The following KIF12 variants were observed in gnomAD, a reference collection of about 807,000 sequenced individuals.
KIF12 encodes the protein kinesin-like protein KIF12.
In KIF12, 80 loss-of-function variants were observed where a neutral mutation model predicts 87.9. The ratio of observed to expected loss-of-function variants is 0.91; its 90% CI spans 0.76 to 1.10. The LOEUF (loss-of-function observed/expected upper bound fraction) is 1.10. Among genes scored for constraint, KIF12 ranks in the 50% least tolerant of loss-of-function variants. The pLI is 0.00. For synonymous variants in KIF12, 353 were observed against 348.5 expected (o/e 1.01, Z -0.14); for missense variants, 819 against 865.3 (o/e 0.95, Z 0.67).
At position 114,098,208 on chromosome 9, in the gene KIF12, G is replaced by A. The variant is rs1242174585; in HGVS notation, c.300-18C>T. The A allele has an allele frequency of 6.5e-7, 1 of 1,539,250 alleles. No homozygotes were observed. The highest frequency in any genetic ancestry group is 1.4e-5 in the African/African-American group (1 of 71,014). On this transcript the variant is annotated intron_variant, in intron 4 of 18. Transcript: ENST00000640217. Reference sequence around the variant, plus strand: ...AGGAGAAACTGCGGGCGGCAAGGGCGTGGCTGGACTCCGGCGGCTACCCGG... The same window carrying A: ...AGGAGAAACTGCGGGCGGCAAGGGCATGGCTGGACTCCGGCGGCTACCCGG...
At chr9:114,097,964 CT>C (rs1676402801) in intron 5 of KIF12, 150 bp downstream of exon 5, 4 of 969,458 alleles carry the variant, frequency 4.1e-6, no homozygotes, top group Non-Finnish European at 6.0e-6. Flanking sequence ...AGTCCCTTCT[CT>C]TTGGTCCTCA....
Position 114,094,208 on chromosome 9 carries a change from T to C in KIF12, c.1286A>G (p.Glu429Gly), listed in dbSNP as rs1195045159. ...AQRNLYGMLQ[E>G]FMLENERLRK... ...GAGCCTCTCATTCTCTAGCATGAACTCCTGTAGCATCCCGTACAGGTTCCG... is the reference window on the plus strand; with the variant it reads ...GAGCCTCTCATTCTCTAGCATGAACCCCTGTAGCATCCCGTACAGGTTCCG... The change falls in exon 13 of 19, where the codon GAG (glutamate) becomes GGG (glycine). Residue 429 changes from glutamate to glycine, a missense_variant. Coordinates refer to ENST00000640217, the MANE Select transcript of KIF12 (RefSeq NM_001388308.1). The C allele has an allele frequency of 1.2e-6, 2 of 1,613,880 alleles. No individual in the cohort carries two copies. Among genetic ancestry groups the C allele is most frequent in the South Asian group, 2.2e-5 (2 of 91,082 alleles).
At chr9:114,094,479 C>T (rs372259818) in intron 11 of KIF12, 24 bp from the exon 12 acceptor site, 6 of 1,457,418 alleles carry the variant, frequency 4.1e-6, no homozygotes, top group Non-Finnish European at 5.7e-6. Context: ...GGCCCAGAGC[C>T]ACCTTTATGG....
intron 5 of KIF12, 66 bp from the exon 6 acceptor site, chr9:114,097,807 ATG>A (rs1847300645): frequency 1.3e-6 from 2 of 1,521,824 alleles, no homozygotes; most frequent in Non-Finnish European, 1.8e-6. Context: ...TAGCGCATGT[ATG>A]ATACCGTGCG....
At chr9:114,098,236 TG>T (rs57239538) in intron 4 of KIF12, 46 bp from the exon 5 acceptor site, 420,374 of 1,526,344 alleles carry the variant, frequency 0.28, 60,582 homozygotes, top group Middle Eastern at 0.43. Context: ...CTACCCGGGG[TG>T]GGGGCTGGGG....
chr9:114,096,312 G>A (rs1416530297), intron 8 of KIF12, 75 bp downstream of exon 8: 4 of 1,595,740 alleles, frequency 2.5e-6, no homozygotes, highest in South Asian at 1.1e-5. Context: ...GCACACCCAA[G>A]TTGGTTTATA....
intron 5 of KIF12, 84 bp downstream of exon 5, chr9:114,098,031 T>G: frequency 1.5e-6 from 2 of 1,338,720 alleles, no homozygotes; most frequent in Non-Finnish European, 2.0e-6. Flanking sequence ...CCCTTCCCTC[T>G]GGGAGTCTGC....
intron 13 of KIF12, 60 bp downstream of exon 13, chr9:114,094,120 GA>G: frequency 6.5e-7 from 1 of 1,547,422 alleles, no homozygotes. Flanking sequence ...CAGTTTGCCA[GA>G]AGCAGCCTAG....
Position 114,093,932 on chromosome 9 carries a change from G to A in KIF12, c.1354C>T (p.Gln452Ter), listed in dbSNP as rs767668002. ...SQLQNSRDLA[Q>*]NEQRILAQQV... ...TGGGCCAGGATGCGCTGCTCATTCT[G>A]GGCCAGGTCTCGGCTATTCTGCAGC... The change falls in exon 14 of 19, where the codon CAG becomes TAG. Residue 452 changes from glutamine to a stop codon, truncating the protein, a stop_gained. Coordinates refer to ENST00000640217, the MANE Select transcript of KIF12 (RefSeq NM_001388308.1). LOFTEE classifies it high-confidence loss of function. 1 of 1,614,126 alleles carries A rather than the reference G, an allele frequency of 6.2e-7. No individual in the cohort carries two copies. The highest frequency in any genetic ancestry group is 1.7e-5 in the Admixed American group (1 of 60,022).
In KIF12 at chr9:114,093,250, T is replaced by C; in HGVS notation, c.1575A>G (p.Pro525=). The change falls in exon 16 of 19, where the codon CCA becomes CCG. Residue 525 remains proline, a synonymous_variant. Coordinates refer to ENST00000640217, the MANE Select transcript of KIF12 (RefSeq NM_001388308.1). ...RVPLAHWACL[P]GEHHLPQVLD... is the part of the protein sequence containing the mutation. ...CTACCTGGGGCAGGTGGTGCTCCCC[T>C]GGCAGGCAGGCCCAGTGGGCCAGGG... is the stretch of plus-strand genomic sequence containing the variant. 6.4e-7 allele frequency: 1 copy of C among 1,554,704 alleles called. No homozygotes were observed. The highest frequency in any genetic ancestry group is 8.7e-7 in the Non-Finnish European group (1 of 1,148,304).
At chr9:114,093,170 C>T (rs1438962622) in intron 16 of KIF12, 59 bp downstream of exon 16, 1 of 1,435,534 alleles carries the variant, frequency 7.0e-7, no homozygotes, top group African/African-American at 1.4e-5. Context: ...TTGATGACTC[C>T]TGGATCAAGG....
Position 114,098,964 on chromosome 9 carries a change from G to C in KIF12, c.142C>G (p.Leu48Val). 1.9e-6 allele frequency: 3 copies of C among 1,550,184 alleles called. No homozygotes were observed. The highest frequency in any genetic ancestry group is 2.6e-6 in the Non-Finnish European group (3 of 1,146,776). The change falls in exon 3 of 19, where the codon CTG (leucine) becomes GTG (valine). Residue 48 changes from leucine to valine, a missense_variant. Physicochemically the swap from Leu to Val is conservative, Grantham distance 32. Coordinates refer to ENST00000640217, the MANE Select transcript of KIF12 (RefSeq NM_001388308.1). ...AGAGTCCGGGTCCCTGAGCAGTGCA[G>C]CACGCTCTGCTGCCCTCGACGCAGC... ...AELRRGQQSV[L>V]HCSGTRTLQV...
In KIF12 at chr9:114,092,356, GGGGGCCTCACAGGCA is replaced by G. The variant is rs1564378335; in HGVS notation, c.1778_1792del (p.Leu593_Pro597del). 1.2e-6 allele frequency: 2 copies of G among 1,601,790 alleles called. No individual in the cohort carries two copies. Among genetic ancestry groups the G allele is most frequent in the African/African-American group, 2.7e-5 (2 of 74,318 alleles). ...ACCTCTGAGCCCTGGTGATGTCTTC[GGGGGCCTCACAGGCA>G]GGGGAGGTGCAGAAGGTACCACCTC... On this transcript the variant is annotated inframe_deletion, in exon 18 of 19. Transcript: ENST00000640217.
intron 18 of KIF12, 59 bp downstream of exon 18, chr9:114,092,274 G>T: frequency 6.7e-7 from 1 of 1,492,278 alleles, no homozygotes; most frequent in Non-Finnish European, 9.0e-7. Context: ...TGGAGAGGGT[G>T]GGTTCTACCC....
chr9:114,093,811 C>A, intron 14 of KIF12, 75 bp downstream of exon 14: 1 of 1,269,210 alleles, frequency 7.9e-7, no homozygotes, highest in Non-Finnish European at 1.1e-6. Flanking sequence ...CAGCCTCAAG[C>A]AGTTCATTAA....
Position 114,091,720 on chromosome 9 carries a change from C to T in KIF12, c.*141G>A, listed in dbSNP as rs1378009381. 5.0e-5 allele frequency: 40 copies of T among 804,932 alleles called. No individual in the cohort carries two copies. The South Asian group carries it at 8.1e-4, about 16-fold the overall frequency. The allele number at this position is 804,932 out of a possible 1,614,324, so 49.9% of individuals were successfully genotyped here. ...TGAATCCCCTTGTTCCCCTAAATAG[C>T]ACCCCCAGTCCCCGCCCCTAGCCCA... On this transcript the variant is annotated 3_prime_UTR_variant, in exon 19 of 19. Coordinates refer to ENST00000640217, the MANE Select transcript of KIF12 (RefSeq NM_001388308.1).
In KIF12 at chr9:114,098,750, G is replaced by A. The variant is rs372457016; in HGVS notation, c.171+185C>T. On this transcript the variant is annotated intron_variant, in intron 3 of 18. Coordinates refer to ENST00000640217, the MANE Select transcript of KIF12 (RefSeq NM_001388308.1). ...CAGAAGGGGCGGGGCACTCGCAGGG[G>A]TTGGCGCGGCGCACCCTGGCGGAGG... 1.6e-3 allele frequency among the ~76,000 whole-genome samples: 228 copies of A among 141,756 alleles called. 1 individual carries two copies. The highest frequency in any genetic ancestry group is 5.8e-3 in the African/African-American group (219 of 37,988). The allele number at this position is 141,756 out of a possible 152,430, so 93.0% of individuals were successfully genotyped here.
At chr9:114,094,074 T>A (rs1847103052) in intron 13 of KIF12, 102 bp from the exon 14 acceptor site, 2 of 1,450,634 alleles carry the variant, frequency 1.4e-6, no homozygotes, top group Admixed American at 1.7e-5. Context: ...AGGAAGCAGG[T>A]GGGGACATAA....
At chr9:114,098,792 G>C in intron 3 of KIF12, 143 bp downstream of exon 3, 1 of 921,172 alleles carries the variant, frequency 1.1e-6, no homozygotes, top group Non-Finnish European at 1.6e-6. Flanking sequence ...CATCCTGGAA[G>C]GGAGGGGCAC....
Sources: allele counts gnomAD v4.1 joint callset (sites outside exome capture counted in the v4.1 genomes callset), GRCh38; gene constraint gnomAD v4.1.1; transcripts MANE v1.5; gene names NCBI Gene and HGNC (gene_info 2026-07-23, HGNC 2026-07-21).